FNIP2: variants seen among roughly 807,000 people sequenced by gnomAD.
The protein encoded by FNIP2 is folliculin-interacting protein 2.
A neutral mutation model predicts 108.7 loss-of-function variants in FNIP2; 32 were observed. That is an observed-to-expected ratio of 0.29 (90% CI 0.22 to 0.40). The LOEUF is 0.40. Among genes scored for constraint, FNIP2 ranks in the 10% least tolerant of loss-of-function variants. FNIP2 has a pLI of 1.00. For missense variants in FNIP2, 1,202 were observed against 1,381.6 expected, an observed-to-expected ratio of 0.87 and a Z score of 2.06; for synonymous variants, 480 against 496.7, an observed-to-expected ratio of 0.97 and a Z score of 0.45.
intron 1 of FNIP2, among the ~76,000 whole-genome samples, chr4:158,784,539 A>C (rs532834320): frequency 1.3e-5 from 2 of 152,372 alleles, no homozygotes; most frequent in South Asian, 4.1e-4. Flanking sequence ...CACCAAATGC[A>C]TAATCAGTGG....
chr4:158,784,718 G>T (rs1050201517), intron 1 of FNIP2, among the ~76,000 whole-genome samples: 1 of 152,172 alleles, frequency 6.6e-6, no homozygotes, highest in African/African-American at 2.4e-5. Flanking sequence ...TGCCACCACT[G>T]ATCTGACAAG....
chr4:158,892,235 T>C (rs1782324966), intron 15 of FNIP2, among the ~76,000 whole-genome samples: 1 of 148,884 alleles, frequency 6.7e-6, no homozygotes, highest in Admixed American at 6.8e-5. Context: ...CCTCCTGGGC[T>C]CAAGTGATCC....
intron 1 of FNIP2, among the ~76,000 whole-genome samples, chr4:158,777,274 C>A (rs1249608796): frequency 6.6e-6 from 1 of 152,136 alleles, no homozygotes. Context: ...ATGAAATGAG[C>A]AAATTGGTTC....
chr4:158,851,535 G>C, intron 8 of FNIP2, 85 bp downstream of exon 8: 1 of 1,526,748 alleles, frequency 6.5e-7, no homozygotes. Flanking sequence ...CGTGCCTATT[G>C]TCAGTGGAAA....
intron 14 of FNIP2, among the ~76,000 whole-genome samples, chr4:158,871,072 T>C (rs1780919987): frequency 6.6e-6 from 1 of 152,240 alleles, no homozygotes; most frequent in Non-Finnish European, 1.5e-5. Context: ...CTTAAACAAG[T>C]TCCTAAAAGT....
chr4:158,877,332 C>T (rs1030287411), intron 14 of FNIP2, among the ~76,000 whole-genome samples: 11 of 152,226 alleles, frequency 7.2e-5, no homozygotes, highest in African/African-American at 2.4e-4. Flanking sequence ...ACTTTGAACC[C>T]TTTCTTCTTT....
intron 7 of FNIP2, among the ~76,000 whole-genome samples, chr4:158,846,829 A>G (rs1377311510): frequency 2.6e-5 from 4 of 152,220 alleles, no homozygotes; most frequent in Admixed American, 1.3e-4. Context: ...AAATAACTTC[A>G]TAAAAATCAA....
chr4:158,871,836 G>A (rs1443654298), intron 14 of FNIP2: 3 of 985,336 alleles, frequency 3.0e-6, no homozygotes, highest in Non-Finnish European at 3.6e-6. Flanking sequence ...AATGACCCCT[G>A]TAAGAAAAAT....
At chr4:158,816,833 A>G (rs921814173) in intron 1 of FNIP2, among the ~76,000 whole-genome samples, 1 of 151,494 alleles carries the variant, frequency 6.6e-6, no homozygotes, top group African/African-American at 2.4e-5. Flanking sequence ...TAATATATGC[A>G]TGGAGATGAA....
intron 7 of FNIP2, among the ~76,000 whole-genome samples, chr4:158,844,290 A>G (rs1779283333): frequency 6.6e-6 from 1 of 152,200 alleles, no homozygotes; most frequent in African/African-American, 2.4e-5. Context: ...GGGGGAAAAT[A>G]AATCCATCCA....
At chr4:158,810,102 A>G (rs2126504281) in intron 1 of FNIP2, among the ~76,000 whole-genome samples, 1 of 152,352 alleles carries the variant, frequency 6.6e-6, no homozygotes, top group Admixed American at 6.5e-5. Flanking sequence ...TGCTAAGGCA[A>G]CAGACCAAAG....
rs1258661336 is a variant in FNIP2, at chr4:158,829,060, C to A, written c.235-19C>A. 1.3e-6 allele frequency: 2 copies of A among 1,573,926 alleles called. No individual in the cohort carries two copies. The highest frequency in any genetic ancestry group is 4.6e-5 in the East Asian group (2 of 43,106). ...ATATACTTAGTAATCTTTTACCTTG[C>A]CTGTCTCTCTTAACCTAGAAAACAG... On this transcript the variant is annotated intron_variant, in intron 2 of 16. Transcript: ENST00000264433.
At chr4:158,793,097 G>T (rs188365107) in intron 1 of FNIP2, among the ~76,000 whole-genome samples, 1 of 152,286 alleles carries the variant, frequency 6.6e-6, no homozygotes, top group East Asian at 1.9e-4. Context: ...ATTAAAGAAG[G>T]CAGAGAACAA....
At chr4:158,860,580 C>G (rs1780224826) in intron 10 of FNIP2, among the ~76,000 whole-genome samples, 1 of 151,652 alleles carries the variant, frequency 6.6e-6, no homozygotes, top group African/African-American at 2.4e-5. Context: ...TGGGAAAGCA[C>G]TGGAGATTTG....
intron 1 of FNIP2, among the ~76,000 whole-genome samples, chr4:158,791,710 CT>C (rs1456404816): frequency 6.6e-6 from 1 of 152,152 alleles, no homozygotes; most frequent in Admixed American, 6.5e-5. Context: ...AGGATAATGC[CT>C]CCCTGCCCAG....
chr4:158,890,022 G>A, intron 14 of FNIP2: 4 of 985,394 alleles, frequency 4.1e-6, no homozygotes, highest in Non-Finnish European at 4.8e-6. Flanking sequence ...GTTGAAAATG[G>A]TGATGGGGTC....
At chr4:158,842,709 A>AT (rs986991724) in intron 7 of FNIP2, among the ~76,000 whole-genome samples, 1 of 152,034 alleles carries the variant, frequency 6.6e-6, no homozygotes, top group Non-Finnish European at 1.5e-5. Context: ...CTTTGTATAA[A>AT]TTTTTTTTAA....
intron 1 of FNIP2, among the ~76,000 whole-genome samples, chr4:158,811,025 C>T (rs955111851): frequency 3.3e-4 from 50 of 152,196 alleles, no homozygotes; most frequent in South Asian, 1.0e-3. Context: ...TGTAGCAAGC[C>T]CTGGTGGGAA....
At chr4:158,792,119 ACAC>A (rs1447178429) in intron 1 of FNIP2, among the ~76,000 whole-genome samples, 1 of 152,154 alleles carries the variant, frequency 6.6e-6, no homozygotes, top group Non-Finnish European at 1.5e-5. Flanking sequence ...ACACACACAC[ACAC>A]ATCAGGTGCT....
Sources: gnomAD v4.1 joint callset for allele counts (sites outside exome capture counted in the v4.1 genomes callset) on GRCh38, gnomAD v4.1.1 for gene constraint, MANE v1.5 for transcripts, NCBI Gene and HGNC (gene_info 2026-07-23, HGNC 2026-07-21) for gene names.